MYH10: variants seen among roughly 807,000 people sequenced by gnomAD.
MYH10 encodes the protein myosin-10.
MYH10 carries 55 observed loss-of-function variants against 257.8 expected under a neutral mutation model. That is an observed-to-expected ratio of 0.21 (90% CI 0.17 to 0.27). The LOEUF (loss-of-function observed/expected upper bound fraction) is 0.27, where lower values mean the gene tolerates loss of function less well. Among genes scored for constraint, MYH10 ranks in the 10% least tolerant of loss-of-function variants. MYH10 has a pLI of 1.00. For synonymous variants in MYH10, 854 were observed against 921.7 expected, an observed-to-expected ratio of 0.93 and a Z score of 1.33; for missense variants, 1,631 against 2,500.6, an observed-to-expected ratio of 0.65 and a Z score of 7.42.
Position 8,490,463 on chromosome 17 carries a change from C to T in MYH10, c.4761G>A (p.Gln1587=), listed in dbSNP as rs1915594452. ...GACGAAGCTTGGCATCTTCCGTGGC[C>T]TGGAGTTCGTCTTCCAGCTCCTCCA... is the stretch of plus-strand genomic sequence containing the variant. ...TQLEELEDEL[Q]ATEDAKLRLE... Residue 1587 remains glutamine, a synonymous_variant, in exon 35 of 43, where the codon CAG becomes CAA. Transcript: ENST00000360416. This position sits in a 1 kb window ranked among gnomAD's most constrained non-coding sequence, Gnocchi z 4.1. The T allele has an allele frequency of 1.2e-6, 2 of 1,614,242 alleles. No individual in the cohort carries two copies. Among genetic ancestry groups the T allele is most frequent in the East Asian group, 2.2e-5 (1 of 44,886 alleles).
At chr17:8,487,209 C>T (rs1914973308) in intron 36 of MYH10, among the ~76,000 whole-genome samples, 1 of 152,234 alleles carries the variant, frequency 6.6e-6, no homozygotes, top group South Asian at 2.1e-4. Context: ...CTCAGGGCCA[C>T]AGGAGGCCAG....
At position 8,484,066 on chromosome 17, in the gene MYH10, C is replaced by CT. The variant is rs1237295520; in HGVS notation, c.5175+71dup. The CT allele has an allele frequency of 5.3e-5, 75 of 1,404,914 alleles. No homozygotes were observed. In the Admixed American group the frequency reaches 5.6e-4, roughly 11 times the overall value. The allele number at this position is 1,404,914 out of a possible 1,614,324, so 87.0% of individuals were successfully genotyped here. The stretch of plus-strand genomic sequence containing the variant: ...TTACAGTGGGCTACAAATATATTAA[C>CT]TTTTTTTTGATCTTGGAGAAATTTC... On this transcript the variant is annotated intron_variant, in intron 37 of 42. Coordinates refer to ENST00000360416, the MANE Select transcript of MYH10 (RefSeq NM_001256012.3).
At chr17:8,610,689 A>AT (rs1204730517) in intron 2 of MYH10, among the ~76,000 whole-genome samples, 2 of 152,168 alleles carry the variant, frequency 1.3e-5, no homozygotes, top group African/African-American at 4.8e-5. Flanking sequence ...TCTCTTGAGC[A>AT]TGCTCTTCTT....
chr17:8,533,214 ATG>A (rs1365567542), intron 16 of MYH10, among the ~76,000 whole-genome samples: 1 of 152,154 alleles, frequency 6.6e-6, no homozygotes, highest in Non-Finnish European at 1.5e-5. Context: ...CGAATTCAGA[ATG>A]GGTCACTACC....
At chr17:8,500,708 G>T in intron 29 of MYH10, 118 bp downstream of exon 29, 1 of 1,260,766 alleles carries the variant, frequency 7.9e-7, no homozygotes, top group Non-Finnish European at 1.1e-6. Context: ...CCCACTCAGT[G>T]ACGTACAGAG....
chr17:8,588,336 T>C (rs540354652), intron 4 of MYH10, among the ~76,000 whole-genome samples: 5 of 152,306 alleles, frequency 3.3e-5, no homozygotes, highest in African/African-American at 1.2e-4. Flanking sequence ...TCCACTTACA[T>C]GAGCCATAGG....
chr17:8,563,121 T>C (rs1036158847), intron 7 of MYH10, among the ~76,000 whole-genome samples: 2 of 152,132 alleles, frequency 1.3e-5, no homozygotes, highest in East Asian at 3.9e-4. Context: ...ACAGATAGGG[T>C]GCTATGCATG....
At chr17:8,508,463 G>A in intron 26 of MYH10, 91 bp downstream of exon 26, 1 of 1,537,172 alleles carries the variant, frequency 6.5e-7, no homozygotes, top group African/African-American at 1.4e-5. Context: ...TAATCATCAT[G>A]TATATTTTTT....
Position 8,521,217 on chromosome 17 carries a change from T to A in MYH10, c.2026A>T (p.Thr676Ser). ...ACGGTACGAAACATGCCCTTCTTGG[T>A]TTTATATGCGGAGCCAAAAGCTGTC... Reference protein sequence around the residue: ...TETAFGSAYKTKKGMFRTVGQ... With the variant: ...TETAFGSAYKSKKGMFRTVGQ... The change falls in exon 18 of 43, where the codon ACC becomes TCC. Residue 676 changes from threonine to serine, a missense_variant. Thr to Ser is a moderately conservative substitution (Grantham distance 58). Coordinates refer to ENST00000360416, the MANE Select transcript of MYH10 (RefSeq NM_001256012.3). 6.2e-7 allele frequency: 1 copy of A among 1,614,190 alleles called. No homozygotes were observed. Among genetic ancestry groups the A allele is most frequent in the Non-Finnish European group, 8.5e-7 (1 of 1,180,032 alleles).
intron 17 of MYH10, chr17:8,521,513 C>T: frequency 3.7e-6 from 2 of 539,712 alleles, no homozygotes; most frequent in South Asian, 2.8e-5. Flanking sequence ...CACCAACACA[C>T]ACCAGCAGAT....
intron 26 of MYH10, 112 bp downstream of exon 26, chr17:8,508,436 AAGGTCC>A: frequency 7.1e-7 from 1 of 1,406,324 alleles, no homozygotes. Flanking sequence ...ACCCAAACTG[AAGGTCC>A]TTATTATTAG....
intron 24 of MYH10, chr17:8,511,015 CATAT>C (rs56144668): frequency 1.0e-3 from 125 of 120,502 alleles, no homozygotes; most frequent in African/African-American, 3.5e-3. Context: ...TCATGTACCC[CATAT>C]ATATATATAT....
chr17:8,479,767 A>G (rs1343868388), intron 40 of MYH10, among the ~76,000 whole-genome samples: 1 of 152,240 alleles, frequency 6.6e-6, no homozygotes, highest in Non-Finnish European at 1.5e-5. Flanking sequence ...GATTTGTGTC[A>G]TACTGCATTT....
chr17:8,619,281 G>A (rs2085378556), intron 2 of MYH10, among the ~76,000 whole-genome samples: 1 of 152,140 alleles, frequency 6.6e-6, no homozygotes, highest in South Asian at 2.1e-4. Context: ...AAGTGGCAGT[G>A]AAGAATAAAA....
Position 8,520,990 on chromosome 17 carries a change from A to G in MYH10, c.2161T>C (p.Leu721=), listed in dbSNP as rs764377182. 4 of 1,610,528 alleles carry G rather than the reference A, an allele frequency of 2.5e-6. No homozygotes were observed. The highest frequency in any genetic ancestry group is 1.3e-5 in the African/African-American group (1 of 74,778). Residue 721 remains leucine, a synonymous_variant, in exon 19 of 43, where the codon TTG becomes CTG. Transcript: ENST00000360416. ...IPNHEKRAGK[L]DPHLVLDQLR... is the part of the protein sequence containing the mutation. ...TGATCTAGGACTAGGTGTGGATCCA[A>G]TTTTCCAGCCTAATCAAGCAAACAA...
chr17:8,544,177 C>T (rs981330282), intron 13 of MYH10, among the ~76,000 whole-genome samples: 1 of 152,076 alleles, frequency 6.6e-6, no homozygotes, highest in African/African-American at 2.4e-5. Context: ...CTTTTTCTTT[C>T]CTTTTCTCAT....
chr17:8,594,652 T>TG (rs1482546070), intron 3 of MYH10, among the ~76,000 whole-genome samples: 1 of 152,206 alleles, frequency 6.6e-6, no homozygotes, highest in East Asian at 1.9e-4. Context: ...CCGTTATCTG[T>TG]GGGGGATTGG....
At chr17:8,484,571 G>C (rs1914439839) in intron 36 of MYH10, among the ~76,000 whole-genome samples, 1 of 152,076 alleles carries the variant, frequency 6.6e-6, no homozygotes, top group Non-Finnish European at 1.5e-5. Context: ...GAATACAAAT[G>C]CAAAAATCTT....
intron 17 of MYH10, among the ~76,000 whole-genome samples, chr17:8,524,495 A>C (rs958697154): frequency 7.7e-6 from 1 of 129,476 alleles, no homozygotes; most frequent in African/African-American, 2.8e-5. Context: ...AAAAAAAAGG[A>C]TATGGAGAGG....
Sources: gnomAD v4.1 joint callset for allele counts (sites outside exome capture counted in the v4.1 genomes callset) on GRCh38, gnomAD v4.1.1 for gene constraint, Gnocchi (gnomAD v3.1) non-coding constraint, MANE v1.5 for transcripts, NCBI Gene and HGNC (gene_info 2026-07-23, HGNC 2026-07-21) for gene names.